GLIS3: variants seen among roughly 807,000 people sequenced by gnomAD.
GLIS3 encodes the protein zinc finger protein GLIS3.
Under a neutral mutation model 78.6 loss-of-function variants are expected in GLIS3, and 53 were observed. The ratio of observed to expected loss-of-function variants is 0.67; its 90% confidence interval spans 0.54 to 0.85. GLIS3 has a LOEUF of 0.85. Among genes scored for constraint, GLIS3 ranks in the 40% least tolerant of loss-of-function variants. GLIS3 has a pLI of 0.00. For synonymous variants in GLIS3, 684 were observed against 509.9 expected (o/e 1.34, Z -4.60); for missense variants, 1,703 against 1,231.1 (o/e 1.38, Z -5.74).
At chr9:4,357,032 A>C in the GLIS3 span, among the ~76,000 whole-genome samples, 2 of 152,252 alleles carry the variant, frequency 1.3e-5, no homozygotes, top group Non-Finnish European at 1.5e-5. Context: ...TGTATAAATC[A>C]TTGAATATTA....
At chr9:4,061,695 C>A (rs1043733366) in intron 4 of GLIS3, among the ~76,000 whole-genome samples, 1 of 152,084 alleles carries the variant, frequency 6.6e-6, no homozygotes, top group South Asian at 2.1e-4. Flanking sequence ...AGCAAAATAT[C>A]TGAATTATCA....
At chr9:3,942,566 G>A (rs16920103) in intron 4 of GLIS3, among the ~76,000 whole-genome samples, 24,789 of 152,212 alleles carry the variant, frequency 0.16, 2,046 homozygotes, top group Middle Eastern at 0.24. Flanking sequence ...ACTCAGAAAA[G>A]GATGGTCAAA....
chr9:4,347,375 G>C (rs150853146), intron 1 of GLIS3, among the ~76,000 whole-genome samples: 14 of 151,990 alleles, frequency 9.2e-5, no homozygotes, highest in Non-Finnish European at 1.8e-4. Flanking sequence ...CAACATATGG[G>C]ATCACATTTC....
chr9:3,937,356 T>C (rs532321600), intron 4 of GLIS3, among the ~76,000 whole-genome samples, 167 bp from the exon 5 acceptor site: 19 of 152,330 alleles, frequency 1.2e-4, no homozygotes, highest in Admixed American at 9.8e-4. Context: ...CGAATATTTA[T>C]GTGAACTGCA....
At chr9:3,993,229 A>G (rs1238010270) in intron 4 of GLIS3, among the ~76,000 whole-genome samples, 1 of 152,132 alleles carries the variant, frequency 6.6e-6, no homozygotes, top group Non-Finnish European at 1.5e-5. Context: ...ATTGCCTCAT[A>G]CTGTTTGTCA....
chr9:4,483,029 C>G, the GLIS3 span, among the ~76,000 whole-genome samples: 1 of 152,116 alleles, frequency 6.6e-6, no homozygotes, highest in Non-Finnish European at 1.5e-5. Flanking sequence ...GCTGAGTGGC[C>G]AAGTTCTTTC....
chr9:4,421,598 A>C, the GLIS3 span, among the ~76,000 whole-genome samples: 3 of 152,228 alleles, frequency 2.0e-5, no homozygotes, highest in Admixed American at 1.3e-4. Flanking sequence ...CTCACCCAAG[A>C]TACAGTTGTC....
the GLIS3 span, among the ~76,000 whole-genome samples, chr9:4,402,248 C>G: frequency 3.9e-5 from 6 of 152,212 alleles, no homozygotes; most frequent in South Asian, 1.2e-3. Flanking sequence ...CAAATCTCAT[C>G]CAAGACCACC....
chr9:4,363,241 G>A, the GLIS3 span, among the ~76,000 whole-genome samples: 4 of 152,152 alleles, frequency 2.6e-5, no homozygotes, highest in African/African-American at 9.7e-5. Context: ...TGGCCAACAT[G>A]GTAAAACCCC....
chr9:4,094,371 G>A (rs1238392325), intron 4 of GLIS3, among the ~76,000 whole-genome samples: 1 of 152,110 alleles, frequency 6.6e-6, no homozygotes, highest in Non-Finnish European at 1.5e-5. Flanking sequence ...AGTGAAATCT[G>A]CCAACATTTC....
chr9:4,025,784 C>G (rs1209257233), intron 4 of GLIS3, among the ~76,000 whole-genome samples: 1 of 152,030 alleles, frequency 6.6e-6, no homozygotes, highest in Non-Finnish European at 1.5e-5. Context: ...GTCTTATTAT[C>G]AACTCAAAAG....
chr9:4,398,737 G>C, the GLIS3 span, among the ~76,000 whole-genome samples: 1 of 152,044 alleles, frequency 6.6e-6, no homozygotes. Flanking sequence ...CACCCAGCTG[G>C]AGTCCAGTGG....
At chr9:4,112,131 G>A (rs1470077885) in intron 4 of GLIS3, among the ~76,000 whole-genome samples, 1 of 152,144 alleles carries the variant, frequency 6.6e-6, no homozygotes, top group Non-Finnish European at 1.5e-5. Context: ...AGGCAAGGAG[G>A]TGGCAACAAT....
rs558756448 is a variant in GLIS3, at chr9:4,347,774, C to G, written n.161+458G>C. Among the ~76,000 whole-genome samples the G allele has an allele frequency of 5.9e-5, 9 of 152,068 alleles. No homozygotes were observed. In the South Asian group the frequency reaches 1.5e-3, roughly 25 times the overall value. On this transcript the variant is annotated intron_variant and non_coding_transcript_variant, in intron 1 of 4. Coordinates refer to the GLIS3 transcript ENST00000471664. ...GGGGTTGGGGGAGTCTATCGCTTTA[C>G]AATTTAATTCAGATGAAAATCTTAA...
the GLIS3 span, among the ~76,000 whole-genome samples, chr9:4,368,890 T>C: frequency 6.6e-6 from 1 of 152,198 alleles, no homozygotes; most frequent in Admixed American, 6.5e-5. Flanking sequence ...GCAATTTTGG[T>C]ATTAAAAGAC....
chr9:4,286,673 G>A (rs1828029790), intron 1 of GLIS3, 150 bp from the exon 2 acceptor site: 3 of 548,020 alleles, frequency 5.5e-6, no homozygotes, highest in South Asian at 4.0e-5. Flanking sequence ...TCAAATACAC[G>A]GCTCATTGGC....
intron 4 of GLIS3, among the ~76,000 whole-genome samples, chr9:4,021,726 T>G (rs577563290): frequency 1.1e-4 from 17 of 152,320 alleles, no homozygotes; most frequent in Admixed American, 9.1e-4. Flanking sequence ...GAGCTAGCTC[T>G]AAGAAGTATC....
chr9:4,208,660 G>A (rs1272416041), intron 2 of GLIS3, among the ~76,000 whole-genome samples: 2 of 152,196 alleles, frequency 1.3e-5, no homozygotes, highest in South Asian at 2.1e-4. Flanking sequence ...AGTATGTTCC[G>A]CACTTGGGTA....
In GLIS3 at chr9:4,156,622, T is replaced by C. The variant is rs536874396; in HGVS notation, c.389-30681A>G. On this transcript the variant is annotated intron_variant, in intron 2 of 10. Transcript: ENST00000381971. ...CAAAACCCTTCAACCCACTGGAAGA[T>C]AAAATATCTTCTTCAGAGTTTCATT... 3.9e-5 allele frequency among the ~76,000 whole-genome samples: 6 copies of C among 152,298 alleles called. No homozygotes were observed. In the East Asian group the frequency reaches 9.6e-4, roughly 24 times the overall value.
Sources: gnomAD v4.1 joint callset for allele counts (sites outside exome capture counted in the v4.1 genomes callset) on GRCh38, gnomAD v4.1.1 for gene constraint, MANE v1.5 for transcripts, NCBI Gene and HGNC (gene_info 2026-07-23, HGNC 2026-07-21) for gene names.